The following TTC27 variants were observed in gnomAD, a reference collection of about 807,000 sequenced individuals.
TTC27 encodes the protein tetratricopeptide repeat protein 27.
A neutral mutation model predicts 115.9 loss-of-function variants in TTC27; 79 were observed. That is an observed-to-expected ratio of 0.68 (90% confidence interval 0.57 to 0.82). The LOEUF is 0.82. TTC27 is among the 40% of genes least tolerant of loss of function. The pLI is 0.00. For missense variants in TTC27, 1,054 were observed against 993.1 expected, an observed-to-expected ratio of 1.06 and a Z score of -0.82; for synonymous variants, 401 against 356.0, an observed-to-expected ratio of 1.13 and a Z score of -1.42.
At chr2:32,716,997 AT>A (rs71407465) in intron 10 of TTC27, among the ~76,000 whole-genome samples, 125 of 116,284 alleles carry the variant, frequency 1.1e-3, no homozygotes, top group African/African-American at 4.2e-3. Flanking sequence ...CCTGGCTCAG[AT>A]TTTTTTTTAA....
At chr2:32,685,924 T>C (rs1283953347) in intron 9 of TTC27, among the ~76,000 whole-genome samples, 2 of 152,156 alleles carry the variant, frequency 1.3e-5, no homozygotes, top group African/African-American at 4.8e-5. Flanking sequence ...ATAAACTACC[T>C]TTATGCAGAG....
At chr2:32,669,551 A>G (rs915956185) in intron 7 of TTC27, among the ~76,000 whole-genome samples, 1 of 152,208 alleles carries the variant, frequency 6.6e-6, no homozygotes, top group East Asian at 1.9e-4. Context: ...GAACACTACT[A>G]TACCATTTAT....
At position 32,787,096 on chromosome 2, in the gene TTC27, A is replaced by G. The variant is rs1487159872; in HGVS notation, c.1945A>G (p.Ile649Val). Reference sequence around the variant, plus strand: ...TGACGTTGGGGAATTTTCAGAAGCCATTAAAGCTTATCACCGGCTCTTGGA... The same window carrying G: ...TGACGTTGGGGAATTTTCAGAAGCCGTTAAAGCTTATCACCGGCTCTTGGA... Reference protein sequence around the residue: ...STDVGEFSEAIKAYHRLLDLR... With the variant: ...STDVGEFSEAVKAYHRLLDLR... Residue 649 changes from isoleucine to valine, a missense_variant, in exon 16 of 20, where the codon ATT becomes GTT. By Grantham distance (29) the Ile-to-Val change is conservative. Coordinates refer to ENST00000317907, the MANE Select transcript of TTC27 (RefSeq NM_017735.5). 1.2e-6 allele frequency: 2 copies of G among 1,614,096 alleles called. No homozygotes were observed. The highest frequency in any genetic ancestry group is 1.7e-6 in the Non-Finnish European group (2 of 1,179,996).
chr2:32,814,359 A>G (rs921556520), intron 18 of TTC27, among the ~76,000 whole-genome samples: 4 of 152,220 alleles, frequency 2.6e-5, no homozygotes, highest in Non-Finnish European at 5.9e-5. Context: ...CTCTGACATC[A>G]TTGAATTATG....
At chr2:32,777,579 G>A (rs1457606466) in intron 13 of TTC27, among the ~76,000 whole-genome samples, 1 of 152,124 alleles carries the variant, frequency 6.6e-6, no homozygotes, top group Non-Finnish European at 1.5e-5. Flanking sequence ...TCACTCTGCA[G>A]CTGATTGAAC....
At chr2:32,820,118 T>C (rs1408037974) in intron 19 of TTC27, among the ~76,000 whole-genome samples, 1 of 152,194 alleles carries the variant, frequency 6.6e-6, no homozygotes, top group Admixed American at 6.5e-5. Context: ...TATTTCTGAA[T>C]AAAACATATA....
At chr2:32,663,963 G>T (rs1320111765) in intron 5 of TTC27, among the ~76,000 whole-genome samples, 4 of 151,464 alleles carry the variant, frequency 2.6e-5, no homozygotes, top group African/African-American at 9.7e-5. Flanking sequence ...GATTACAGGC[G>T]TGAGCCACTG....
intron 10 of TTC27, among the ~76,000 whole-genome samples, chr2:32,720,253 C>T (rs114040301): frequency 0.013 from 1,952 of 152,214 alleles, 36 homozygotes; most frequent in African/African-American, 0.045. Flanking sequence ...TTCATAACAG[C>T]TAGAATGTGA....
At chr2:32,808,566 C>T (rs1257775261) in intron 16 of TTC27, among the ~76,000 whole-genome samples, 3 of 152,172 alleles carry the variant, frequency 2.0e-5, no homozygotes, top group East Asian at 1.9e-4. Flanking sequence ...AGCTTCACCT[C>T]CTTGCCCTTC....
intron 13 of TTC27, among the ~76,000 whole-genome samples, chr2:32,770,889 A>C (rs1416968905): frequency 6.6e-6 from 1 of 152,192 alleles, no homozygotes; most frequent in African/African-American, 2.4e-5. Context: ...TCACATTCCA[A>C]TAGGGAGGAT....
chr2:32,698,645 A>G (rs1447258267), intron 9 of TTC27, among the ~76,000 whole-genome samples: 1 of 151,450 alleles, frequency 6.6e-6, no homozygotes, highest in Non-Finnish European at 1.5e-5. Context: ...ACGCCTGGCT[A>G]ATTTTTTTGT....
chr2:32,761,710 A>G (rs4952291), intron 13 of TTC27, among the ~76,000 whole-genome samples: 35,320 of 151,898 alleles, frequency 0.23, 4,267 homozygotes, highest in South Asian at 0.39. Context: ...TTCCATGATC[A>G]TTCTATTTAA....
intron 9 of TTC27, among the ~76,000 whole-genome samples, chr2:32,701,306 C>T (rs1667176484): frequency 6.6e-6 from 1 of 152,184 alleles, no homozygotes; most frequent in Non-Finnish European, 1.5e-5. Flanking sequence ...CCTCTTTTTA[C>T]ATTACTCTAC....
chr2:32,690,281 T>C (rs1339282519), intron 9 of TTC27, among the ~76,000 whole-genome samples: 1 of 152,138 alleles, frequency 6.6e-6, no homozygotes, highest in East Asian at 1.9e-4. Context: ...CAGAGAAAGT[T>C]TTAAAAGCTT....
At chr2:32,717,124 C>T (rs1224455582) in intron 10 of TTC27, among the ~76,000 whole-genome samples, 2 of 151,844 alleles carry the variant, frequency 1.3e-5, no homozygotes, top group Non-Finnish European at 2.9e-5. Flanking sequence ...CTGTTTCAGC[C>T]CCCCACGCCC....
At chr2:32,733,799 G>C in intron 10 of TTC27, 29 bp from the exon 11 acceptor site, 1 of 1,406,516 alleles carries the variant, frequency 7.1e-7, no homozygotes, top group Non-Finnish European at 1.0e-6. Context: ...TATACATATA[G>C]ATTCTGATTG....
chr2:32,675,247 T>C (rs1038997345), intron 8 of TTC27, among the ~76,000 whole-genome samples: 2 of 152,236 alleles, frequency 1.3e-5, no homozygotes, highest in Non-Finnish European at 2.9e-5. Flanking sequence ...TGACCCCAAA[T>C]TCTGAGTTCT....
chr2:32,806,245 T>C (rs1425907715), intron 16 of TTC27, among the ~76,000 whole-genome samples: 4 of 152,222 alleles, frequency 2.6e-5, no homozygotes, highest in African/African-American at 9.6e-5. Flanking sequence ...TTTTCACTTT[T>C]GATGAGGCAA....
chr2:32,759,157 G>C (rs1669347470), intron 13 of TTC27, among the ~76,000 whole-genome samples: 1 of 152,072 alleles, frequency 6.6e-6, no homozygotes, highest in Admixed American at 6.6e-5. Context: ...TTTATTATTA[G>C]AAATGGTCAT....
Sources: gnomAD v4.1 joint callset for allele counts (sites outside exome capture counted in the v4.1 genomes callset) on GRCh38, gnomAD v4.1.1 for gene constraint, MANE v1.5 for transcripts, NCBI Gene and HGNC (gene_info 2026-07-23, HGNC 2026-07-21) for gene names.